The following SMIM36 variants were observed in gnomAD, a reference collection of about 807,000 sequenced individuals.
SMIM36 encodes small integral membrane protein 36.
At chr17:55,468,818 T>G (rs1163541593) in intron 3 of SMIM36, among the ~76,000 whole-genome samples, 1 of 152,172 alleles carries the variant, frequency 6.6e-6, no homozygotes, top group Non-Finnish European at 1.5e-5. Context: ...AAAACCTAAA[T>G]GTCTTCTTTT....
At chr17:55,474,475 T>C (rs1243979245) in intron 3 of SMIM36, among the ~76,000 whole-genome samples, 1 of 152,188 alleles carries the variant, frequency 6.6e-6, no homozygotes, top group Non-Finnish European at 1.5e-5. Context: ...GAACTGGCAC[T>C]TGGAGTCCGG....
rs1457335705 is a variant in SMIM36 at position 55,453,419 on chromosome 17, AAAC to A, written c.*532-3124_*532-3122del. 3.9e-5 allele frequency among the ~76,000 whole-genome samples: 6 copies of A among 152,220 alleles called. No individual in the cohort carries two copies. The East Asian group carries it at 1.2e-3, about 29-fold the overall frequency. On this transcript the variant is annotated intron_variant, in intron 4 of 4. Coordinates refer to ENST00000636752, the Ensembl canonical transcript of SMIM36. ...CTTCCTTTCACGTTTAAAGGCCTGC[AAAC>A]CATATAAATCATCCCATAGGTTTCT...
chr17:55,462,046 G>A (rs578071479), intron 4 of SMIM36, among the ~76,000 whole-genome samples: 154 of 152,260 alleles, frequency 1.0e-3, no homozygotes, highest in African/African-American at 3.6e-3. Context: ...ATAGTTAAAG[G>A]TCTAGCTTGA....
intron 1 of SMIM36, among the ~76,000 whole-genome samples, chr17:55,509,626 G>A (rs188991895): frequency 3.8e-4 from 58 of 152,140 alleles, no homozygotes; most frequent in African/African-American, 1.3e-3. Context: ...TCTGTTGGGC[G>A]GCAAAGATCA....
At chr17:55,489,860 G>GTT (rs758113087) in intron 1 of SMIM36, among the ~76,000 whole-genome samples, 1 of 54,124 alleles carries the variant, frequency 1.8e-5, no homozygotes, top group East Asian at 2.4e-4. Flanking sequence ...GTTTTTTTTT[G>GTT]TTTTTTTTTA....
At chr17:55,498,583 A>ATT (rs200549052) in intron 1 of SMIM36, among the ~76,000 whole-genome samples, 17 of 147,120 alleles carry the variant, frequency 1.2e-4, no homozygotes, top group East Asian at 9.9e-4. Flanking sequence ...GATTATATCC[A>ATT]TTTTTTTTTT....
chr17:55,501,411 T>TAA (rs1909970033), intron 1 of SMIM36, among the ~76,000 whole-genome samples: 1 of 21,592 alleles, frequency 4.6e-5, no homozygotes, highest in African/African-American at 3.1e-4. Context: ...TTATTATATA[T>TAA]TATAAAATAT....
chr17:55,474,522 G>C (rs1909395283), intron 3 of SMIM36, among the ~76,000 whole-genome samples: 1 of 127,120 alleles, frequency 7.9e-6, no homozygotes, highest in African/African-American at 3.1e-5. Flanking sequence ...TTTGGAACTT[G>C]CCTACTCCAT....
chr17:55,465,350 A>G (rs1450081440), intron 4 of SMIM36, among the ~76,000 whole-genome samples: 2 of 152,184 alleles, frequency 1.3e-5, no homozygotes, highest in African/African-American at 4.8e-5. Context: ...GGAAATAATA[A>G]TAGTATCTAT....
At chr17:55,516,494 A>T in the SMIM36 span, among the ~76,000 whole-genome samples, 1 of 152,106 alleles carries the variant, frequency 6.6e-6, no homozygotes, top group East Asian at 1.9e-4. Flanking sequence ...CCAAAAGCAT[A>T]AAGTTTATAT....
chr17:55,516,163 G>GA (rs55634053), upstream of SMIM36, among the ~76,000 whole-genome samples: 66,125 of 152,058 alleles, frequency 0.43, 15,221 homozygotes, highest in Non-Finnish European at 0.51. Context: ...AGAAGACACA[G>GA]AAAAAAATAT....
At chr17:55,485,342 G>A (rs1909586174) in intron 1 of SMIM36, among the ~76,000 whole-genome samples, 1 of 152,166 alleles carries the variant, frequency 6.6e-6, no homozygotes, top group Non-Finnish European at 1.5e-5. Context: ...AGGCTGGAGT[G>A]CAGTGGTACG....
At chr17:55,529,775 A>T in the SMIM36 span, among the ~76,000 whole-genome samples, 1 of 152,110 alleles carries the variant, frequency 6.6e-6, no homozygotes, top group South Asian at 2.1e-4. Context: ...TGGGTGATGG[A>T]CCCAGACCCT....
chr17:55,520,985 G>A, the SMIM36 span, among the ~76,000 whole-genome samples: 11 of 152,258 alleles, frequency 7.2e-5, no homozygotes, highest in South Asian at 2.1e-4. Flanking sequence ...TTAGCCAGGC[G>A]TGGTGGTGCA....
At chr17:55,527,722 G>C in the SMIM36 span, 1 of 152,242 alleles carries the variant, frequency 6.6e-6, no homozygotes, top group Non-Finnish European at 1.5e-5. Flanking sequence ...TACCAAGAGA[G>C]GGCACCCTCT....
chr17:55,524,879 C>T, the SMIM36 span, among the ~76,000 whole-genome samples: 1 of 152,164 alleles, frequency 6.6e-6, no homozygotes, highest in South Asian at 2.1e-4. Flanking sequence ...CATCATAATT[C>T]ACATAGACTG....
upstream of SMIM36, among the ~76,000 whole-genome samples, chr17:55,515,527 G>A (rs1910260581): frequency 6.6e-6 from 1 of 152,176 alleles, no homozygotes; most frequent in Non-Finnish European, 1.5e-5. Context: ...TTTCACTGGA[G>A]AAGTAATGTG....
intron 1 of SMIM36, among the ~76,000 whole-genome samples, chr17:55,496,921 TGTTTCTAAAATAAAAATAACG>T (rs1326993819): frequency 6.6e-6 from 1 of 152,178 alleles, no homozygotes; most frequent in Non-Finnish European, 1.5e-5. Context: ...CAAACTCCCT[TGTTTCTAAAATAAAAATAACG>T]GTTCCTCCTC....
chr17:55,450,771 G>A (rs769675498), intron 4 of SMIM36, among the ~76,000 whole-genome samples: 9 of 151,530 alleles, frequency 5.9e-5, no homozygotes, highest in African/African-American at 1.7e-4. Flanking sequence ...TTAGGCACCC[G>A]TGAGTCTACA....
Sources: gnomAD v4.1 joint callset for allele counts (sites outside exome capture counted in the v4.1 genomes callset) on GRCh38, gnomAD v4.1.1 for gene constraint, MANE v1.5 for transcripts, NCBI Gene and HGNC (gene_info 2026-07-23, HGNC 2026-07-21) for gene names.